The following USP31 variants were observed in gnomAD, a reference collection of about 807,000 sequenced individuals.
The protein encoded by USP31 is ubiquitin specific peptidase 31.
A neutral mutation model predicts 119.4 loss-of-function variants in USP31; 44 were observed. The ratio of observed to expected loss-of-function variants is 0.37; its 90% CI spans 0.29 to 0.47. The LOEUF (loss-of-function observed/expected upper bound fraction) is 0.47, where lower values mean the gene tolerates loss of function less well. Among genes scored for constraint, USP31 ranks in the 20% least tolerant of loss-of-function variants. The pLI is 0.99. For missense variants in USP31, 1,643 were observed against 1,730.2 expected (o/e 0.95, Z 0.89); for synonymous variants, 749 against 705.6 (o/e 1.06, Z -0.97).
chr16:23,097,563 C>T (rs1247804346), intron 6 of USP31, among the ~76,000 whole-genome samples: 1 of 152,230 alleles, frequency 6.6e-6, no homozygotes, highest in East Asian at 1.9e-4. Flanking sequence ...AACATCGATG[C>T]AAAAATCCTC....
chr16:23,082,495 C>T lies in USP31; in HGVS notation c.1893G>A (p.Thr631=), dbSNP rs35188058. 30,461 of 1,614,158 alleles carry T rather than the reference C, an allele frequency of 0.019. 410 individuals are homozygous for T. The highest frequency in any genetic ancestry group is 0.044 in the Middle Eastern group (266 of 6,062). The part of the protein sequence containing the change: ...HCKQLQQGSI[T]LSLWTLPDVL... ...CATCAGGCAGAGTCCAGAGGCTTAA[C>T]GTAATGCTTCCCTGCTGCAGCTGCT... is the stretch of plus-strand genomic sequence containing the variant. The change falls in exon 12 of 16, where the codon ACG becomes ACA. Residue 631 remains threonine, a synonymous_variant. Coordinates refer to ENST00000219689, the MANE Select transcript of USP31 (RefSeq NM_020718.4).
intron 13 of USP31, among the ~76,000 whole-genome samples, chr16:23,075,534 G>A (rs1036285155): frequency 1.3e-5 from 2 of 151,728 alleles, no homozygotes; most frequent in East Asian, 1.9e-4. Context: ...GGACTGACAC[G>A]AGCCCACACG....
chr16:23,107,671 C>G (rs772811602), intron 2 of USP31, among the ~76,000 whole-genome samples: 4 of 152,154 alleles, frequency 2.6e-5, no homozygotes, highest in African/African-American at 4.8e-5. Flanking sequence ...AAAATCCATA[C>G]GTTTCCTTTA....
chr16:23,111,060 A>G (rs532697912), intron 1 of USP31, among the ~76,000 whole-genome samples: 55 of 152,260 alleles, frequency 3.6e-4, no homozygotes, highest in African/African-American at 1.1e-3. Context: ...CCCGGGAGGC[A>G]GCGCTTGCAG....
chr16:23,107,976 A>T, intron 2 of USP31, 70 bp downstream of exon 2: 1 of 1,513,816 alleles, frequency 6.6e-7, no homozygotes, highest in South Asian at 1.3e-5. Flanking sequence ...GCAATGCAAC[A>T]AGTCCTCAGT....
chr16:23,112,534 C>A (rs1480624405), intron 1 of USP31, among the ~76,000 whole-genome samples: 1 of 151,878 alleles, frequency 6.6e-6, no homozygotes, highest in Admixed American at 6.6e-5. Context: ...GAGAACGCGC[C>A]ATTGCACTCC....
intron 6 of USP31, among the ~76,000 whole-genome samples, chr16:23,093,654 A>G (rs1901469994): frequency 6.6e-6 from 1 of 152,238 alleles, no homozygotes; most frequent in Non-Finnish European, 1.5e-5. Flanking sequence ...GAATTATGAT[A>G]TGATCCATCA....
chr16:23,123,236 C>T (rs750066880), intron 1 of USP31, among the ~76,000 whole-genome samples: 6 of 152,072 alleles, frequency 3.9e-5, no homozygotes, highest in Non-Finnish European at 5.9e-5. Context: ...TGGCATACTT[C>T]GTTCAAAAAG....
chr16:23,148,058 A>G (rs1032972348), intron 1 of USP31, among the ~76,000 whole-genome samples: 1 of 150,636 alleles, frequency 6.6e-6, no homozygotes, highest in Admixed American at 6.5e-5. Context: ...CAAAAATAAT[A>G]GCAGCAAATA....
At position 23,148,686 on chromosome 16, in the gene USP31, C is replaced by A; in HGVS notation, c.585G>T (p.Arg195=). ...GGGTGTACTCCAGGGTCCAGAGGGCCCGCACCAGGTGCGCCAGCTGCTCAG... is the reference window on the plus strand; with the variant it reads ...GGGTGTACTCCAGGGTCCAGAGGGCACGCACCAGGTGCGCCAGCTGCTCAG... ...EVTEQLAHLV[R]ALWTLEYTPQ... Residue 195 remains arginine, a synonymous_variant, in exon 1 of 16, where the codon CGG becomes CGT. Transcript: ENST00000219689. 1 of 1,493,310 alleles carries A rather than the reference C, an allele frequency of 6.7e-7. No homozygotes were observed. Among genetic ancestry groups the A allele is most frequent in the Non-Finnish European group, 8.9e-7 (1 of 1,124,678 alleles). 92.5% of individuals were successfully genotyped at this position (1,493,310 alleles called of 1,614,324 possible).
chr16:23,115,860 T>C (rs1162702603), intron 1 of USP31: 1 of 914,214 alleles, frequency 1.1e-6, no homozygotes, highest in African/African-American at 1.8e-5. Context: ...GTTGGAAACA[T>C]GGGTCAGAAA....
chr16:23,088,857 T>C (rs1485964201), intron 7 of USP31, among the ~76,000 whole-genome samples: 1 of 152,204 alleles, frequency 6.6e-6, no homozygotes. Context: ...AATAGATGAA[T>C]GAATGAATGA....
intron 1 of USP31, among the ~76,000 whole-genome samples, chr16:23,136,510 T>G (rs1903194953): frequency 6.6e-6 from 1 of 151,922 alleles, no homozygotes; most frequent in Non-Finnish European, 1.5e-5. Flanking sequence ...AAAAATTAGT[T>G]GGGCGTGGTG....
chr16:23,079,676 G>A (rs1900730156), intron 13 of USP31: 1 of 330,020 alleles, frequency 3.0e-6, no homozygotes, highest in African/African-American at 2.1e-5. Flanking sequence ...GGTAAACAAA[G>A]AGCAAATCCT....
intron 1 of USP31, among the ~76,000 whole-genome samples, chr16:23,141,829 G>T (rs985162054): frequency 6.6e-6 from 1 of 152,140 alleles, no homozygotes; most frequent in African/African-American, 2.4e-5. Flanking sequence ...ATATACAAAT[G>T]ACTTGTACAA....
intron 1 of USP31, among the ~76,000 whole-genome samples, chr16:23,121,605 G>T (rs1165954362): frequency 6.6e-6 from 1 of 152,170 alleles, no homozygotes; most frequent in East Asian, 1.9e-4. Flanking sequence ...CAATTCCCTA[G>T]TATCAAAATG....
intron 1 of USP31, among the ~76,000 whole-genome samples, chr16:23,125,175 T>C (rs1488560039): frequency 6.6e-6 from 1 of 152,190 alleles, no homozygotes; most frequent in African/African-American, 2.4e-5. Context: ...GAGTCAATGG[T>C]TGTTAAACAC....
At chr16:23,130,727 T>A (rs572067651) in intron 1 of USP31, among the ~76,000 whole-genome samples, 9 of 152,192 alleles carry the variant, frequency 5.9e-5, no homozygotes, top group African/African-American at 2.2e-4. Context: ...AAACATAAAA[T>A]CCTAGGTGTG....
chr16:23,128,889 T>C (rs979994493), intron 1 of USP31, among the ~76,000 whole-genome samples: 4 of 152,216 alleles, frequency 2.6e-5, no homozygotes, highest in Non-Finnish European at 4.4e-5. Context: ...AACATCTTAA[T>C]TGAAGCTACT....
Sources: gnomAD v4.1 joint callset for allele counts (sites outside exome capture counted in the v4.1 genomes callset) on GRCh38, gnomAD v4.1.1 for gene constraint, MANE v1.5 for transcripts, NCBI Gene and HGNC (gene_info 2026-07-23, HGNC 2026-07-21) for gene names.